GMDS: variants seen among roughly 807,000 people sequenced by gnomAD.
GMDS encodes the protein GDP-mannose 4,6 dehydratase.
GMDS carries 20 observed loss-of-function variants against 49.9 expected under a neutral mutation model. The observed-to-expected ratio is 0.40, with a 90% CI of 0.28 to 0.58. GMDS has a LOEUF of 0.58. GMDS is among the 20% of genes least tolerant of loss of function. The probability of loss-of-function intolerance (pLI) is 0.42; values close to 1 mark genes in which losing one functional copy is unlikely to be tolerated. For missense variants in GMDS, 362 were observed against 481.4 expected, an observed-to-expected ratio of 0.75 and a Z score of 2.32; for synonymous variants, 177 against 178.6, an observed-to-expected ratio of 0.99 and a Z score of 0.07.
intron 1 of GMDS, among the ~76,000 whole-genome samples, chr6:2,230,946 C>CA (rs1554100743): frequency 1.2e-5 from 1 of 86,714 alleles, no homozygotes; most frequent in African/African-American, 4.6e-5. Context: ...CTCCCACCCC[C>CA]CCCCCCCGTT....
intron 9 of GMDS, among the ~76,000 whole-genome samples, chr6:1,647,981 G>A (rs971007229): frequency 2.6e-5 from 4 of 152,240 alleles, no homozygotes; most frequent in East Asian, 1.9e-4. Flanking sequence ...CCTGATGCTC[G>A]GGTGCTCTGT....
intron 7 of GMDS, among the ~76,000 whole-genome samples, chr6:1,909,907 T>C (rs958936175): frequency 6.6e-6 from 1 of 152,164 alleles, no homozygotes; most frequent in Non-Finnish European, 1.5e-5. Context: ...GGTTTTTAAA[T>C]ATGGGATTCC....
At chr6:1,781,115 A>G (rs1348354119) in intron 7 of GMDS, among the ~76,000 whole-genome samples, 2 of 152,152 alleles carry the variant, frequency 1.3e-5, no homozygotes, top group African/African-American at 2.4e-5. Context: ...GAGAAGGCAC[A>G]TGACAGCTTG....
At chr6:1,739,604 A>G (rs1767181187) in intron 8 of GMDS, among the ~76,000 whole-genome samples, 2 of 152,256 alleles carry the variant, frequency 1.3e-5, no homozygotes, top group Admixed American at 6.5e-5. Context: ...GTCTAGGGAT[A>G]ACTGCAGGAC....
intron 7 of GMDS, among the ~76,000 whole-genome samples, chr6:1,781,446 G>A (rs1769080927): frequency 6.6e-6 from 1 of 152,218 alleles, no homozygotes; most frequent in African/African-American, 2.4e-5. Flanking sequence ...CTAGCCCTCT[G>A]CTCCTCAAGC....
intron 8 of GMDS, among the ~76,000 whole-genome samples, chr6:1,739,479 C>T (rs914997703): frequency 6.6e-6 from 1 of 152,268 alleles, no homozygotes; most frequent in Admixed American, 6.5e-5. Flanking sequence ...GGGGAAGACC[C>T]TGCTCCCCCG....
chr6:1,655,215 G>C (rs1016947746), intron 9 of GMDS, among the ~76,000 whole-genome samples: 1 of 152,022 alleles, frequency 6.6e-6, no homozygotes, highest in Non-Finnish European at 1.5e-5. Flanking sequence ...TACTTCCTTG[G>C]GGGTATCTGA....
chr6:2,048,648 C>A (rs904218024), intron 4 of GMDS, among the ~76,000 whole-genome samples: 3 of 152,170 alleles, frequency 2.0e-5, no homozygotes, highest in Admixed American at 2.0e-4. Flanking sequence ...ATTGAGTCTT[C>A]CCACTGATCA....
intron 7 of GMDS, among the ~76,000 whole-genome samples, chr6:1,922,770 G>C (rs1206151943): frequency 6.6e-6 from 1 of 152,160 alleles, no homozygotes; most frequent in Non-Finnish European, 1.5e-5. Flanking sequence ...GACGTCAGGG[G>C]AAGACTTGTC....
chr6:1,654,098 AG>A, intron 9 of GMDS, among the ~76,000 whole-genome samples: 1 of 152,360 alleles, frequency 6.6e-6, no homozygotes, highest in Non-Finnish European at 1.5e-5. Context: ...CAAAAAACCC[AG>A]AAAATAATAA....
At chr6:1,680,556 G>A (rs956456673) in intron 9 of GMDS, among the ~76,000 whole-genome samples, 1 of 152,174 alleles carries the variant, frequency 6.6e-6, no homozygotes, top group Non-Finnish European at 1.5e-5. Flanking sequence ...GGAAAGCAGC[G>A]TGGACCTTCT....
chr6:1,934,420 C>G (rs1184786480), intron 6 of GMDS, among the ~76,000 whole-genome samples: 2 of 152,176 alleles, frequency 1.3e-5, no homozygotes, highest in African/African-American at 4.8e-5. Flanking sequence ...AAAACACCAA[C>G]AGGGATTCTG....
At chr6:2,015,019 C>T (rs1421006147) in intron 4 of GMDS, among the ~76,000 whole-genome samples, 2 of 151,942 alleles carry the variant, frequency 1.3e-5, no homozygotes, top group Non-Finnish European at 2.9e-5. Context: ...CATAATAATC[C>T]TTAAGAAGTA....
chr6:1,988,069 A>G (rs1360384456), intron 4 of GMDS, among the ~76,000 whole-genome samples: 3 of 152,162 alleles, frequency 2.0e-5, no homozygotes, highest in African/African-American at 4.8e-5. Flanking sequence ...CAGCCCCCAT[A>G]TGCATTCTTT....
At chr6:1,869,148 G>A (rs571476379) in intron 7 of GMDS, among the ~76,000 whole-genome samples, 2 of 152,160 alleles carry the variant, frequency 1.3e-5, no homozygotes, top group Non-Finnish European at 2.9e-5. Flanking sequence ...GATAGCTCAC[G>A]CTGCTTGTAT....
chr6:1,803,304 G>C (rs1181043813), intron 7 of GMDS, among the ~76,000 whole-genome samples: 2 of 151,642 alleles, frequency 1.3e-5, no homozygotes, highest in African/African-American at 4.8e-5. Context: ...AAATAAGACT[G>C]TTTTGCAGTC....
At chr6:1,725,298 T>C (rs1766539588) in intron 9 of GMDS, among the ~76,000 whole-genome samples, 1 of 152,210 alleles carries the variant, frequency 6.6e-6, no homozygotes, top group African/African-American at 2.4e-5. Flanking sequence ...GGCAGCTTTA[T>C]AAGTTTAGGA....
chr6:1,791,396 C>T (rs941006463), intron 7 of GMDS, among the ~76,000 whole-genome samples: 5 of 152,196 alleles, frequency 3.3e-5, no homozygotes, highest in Non-Finnish European at 7.3e-5. Flanking sequence ...ATGGTGGCTG[C>T]ATTCTCACTG....
intron 1 of GMDS, among the ~76,000 whole-genome samples, chr6:2,216,967 C>T (rs1391110514): frequency 6.6e-6 from 1 of 152,114 alleles, no homozygotes; most frequent in East Asian, 1.9e-4. Context: ...TTCCCCGAGA[C>T]TTGGCAAGGT....
Sources: gnomAD v4.1 joint callset for allele counts (sites outside exome capture counted in the v4.1 genomes callset) on GRCh38, gnomAD v4.1.1 for gene constraint, MANE v1.5 for transcripts, NCBI Gene and HGNC (gene_info 2026-07-23, HGNC 2026-07-21) for gene names.